Variants in FAF1 observed in about 807,000 individuals in gnomAD.
The protein encoded by FAF1 is Fas associated factor 1, also known as FAS-associated factor 1.
A neutral mutation model predicts 92.5 loss-of-function variants in FAF1; 25 were observed. The ratio of observed to expected loss-of-function variants is 0.27; its 90% CI spans 0.20 to 0.38. The LOEUF (loss-of-function observed/expected upper bound fraction) is 0.38. Ranked by LOEUF, FAF1 falls within the 10% of genes least tolerant of loss-of-function variation. The pLI, the probability that FAF1 is intolerant of heterozygous loss-of-function variation, is 1.00. For synonymous variants in FAF1, 234 were observed against 273.2 expected, an observed-to-expected ratio of 0.86 and a Z score of 1.42; for missense variants, 636 against 793.3, an observed-to-expected ratio of 0.80 and a Z score of 2.38.
At chr1:50,551,002 A>G (rs142350461) in intron 13 of FAF1, among the ~76,000 whole-genome samples, 23 of 152,348 alleles carry the variant, frequency 1.5e-4, no homozygotes, top group East Asian at 1.2e-3. Flanking sequence ...TTATATGCCT[A>G]TGACATGTCC....
chr1:50,742,390 G>T (rs989431728), intron 5 of FAF1, among the ~76,000 whole-genome samples: 3 of 142,512 alleles, frequency 2.1e-5, no homozygotes, highest in Non-Finnish European at 3.1e-5. Context: ...TGGGAGGGGG[G>T]GTGTGGCGGG....
At chr1:50,646,817 G>T (rs568199523) in intron 8 of FAF1, among the ~76,000 whole-genome samples, 1 of 152,192 alleles carries the variant, frequency 6.6e-6, no homozygotes, top group South Asian at 2.1e-4. Flanking sequence ...TTGTTAAAGC[G>T]AACTAAATAT....
At chr1:50,762,710 A>G (rs2124531316) in intron 4 of FAF1, among the ~76,000 whole-genome samples, 1 of 152,338 alleles carries the variant, frequency 6.6e-6, no homozygotes, top group African/African-American at 2.4e-5. Context: ...AAAGACTTAA[A>G]TGTTAGACCT....
chr1:50,878,031 A>T (rs1644584529), intron 1 of FAF1, among the ~76,000 whole-genome samples: 1 of 152,236 alleles, frequency 6.6e-6, no homozygotes, highest in East Asian at 1.9e-4. Context: ...GCCAGCTCAC[A>T]AAAGCTTCTG....
At chr1:50,464,730 C>CTTGGTAAGATCA (rs1260700537) in intron 18 of FAF1, among the ~76,000 whole-genome samples, 1 of 152,216 alleles carries the variant, frequency 6.6e-6, no homozygotes, top group Non-Finnish European at 1.5e-5. Flanking sequence ...TTCATTATCA[C>CTTGGTAAGATCA]TTTTGATCTT....
intron 13 of FAF1, among the ~76,000 whole-genome samples, chr1:50,542,121 C>T (rs1451329989): frequency 6.6e-6 from 1 of 152,142 alleles, no homozygotes; most frequent in Non-Finnish European, 1.5e-5. Flanking sequence ...AACCAGCTGA[C>T]ACTTTATGGT....
At chr1:50,779,595 A>G (rs1013950065) in intron 4 of FAF1, among the ~76,000 whole-genome samples, 1 of 151,308 alleles carries the variant, frequency 6.6e-6, no homozygotes, top group African/African-American at 2.4e-5. Flanking sequence ...TATATAAAAT[A>G]CTCTATAAAA....
chr1:50,686,095 T>C (rs1453355321), intron 7 of FAF1, among the ~76,000 whole-genome samples: 1 of 152,212 alleles, frequency 6.6e-6, no homozygotes, highest in African/African-American at 2.4e-5. Context: ...ACAGAAACCC[T>C]GTATGATAAT....
At chr1:50,603,744 G>A (rs1364404361) in intron 8 of FAF1, among the ~76,000 whole-genome samples, 1 of 152,138 alleles carries the variant, frequency 6.6e-6, no homozygotes, top group Non-Finnish European at 1.5e-5. Flanking sequence ...ACATGCACTT[G>A]TCTGGACTAG....
At chr1:50,566,949 T>C in intron 13 of FAF1, 128 bp downstream of exon 13, 1 of 629,374 alleles carries the variant, frequency 1.6e-6, no homozygotes, top group Non-Finnish European at 2.5e-6. Context: ...AACGAGCAGC[T>C]TTTGTCTAAT....
chr1:50,735,367 C>G (rs1349502937), intron 6 of FAF1, among the ~76,000 whole-genome samples: 1 of 152,088 alleles, frequency 6.6e-6, no homozygotes, highest in Non-Finnish European at 1.5e-5. Flanking sequence ...TCAACTGTTA[C>G]AAAGATTATG....
rs531887864 is a variant in FAF1, at chr1:50,656,456, A to G, written c.658-928T>C. Among the ~76,000 whole-genome samples the G allele has an allele frequency of 2.6e-4, 39 of 152,348 alleles. 1 individual carries two copies. Among genetic ancestry groups the G allele is most frequent in the African/African-American group, 8.7e-4 (36 of 41,588 alleles). On this transcript the variant is annotated intron_variant, in intron 7 of 18. Transcript: ENST00000396153. Reference sequence around the variant, plus strand: ...AGCTATAGGCCCTTCCTGAAAATTAAATACAAAAAATGCATTAAAGATGAG... The same window carrying G: ...AGCTATAGGCCCTTCCTGAAAATTAGATACAAAAAATGCATTAAAGATGAG...
chr1:50,653,484 G>C (rs1654958947), intron 8 of FAF1, among the ~76,000 whole-genome samples: 1 of 152,132 alleles, frequency 6.6e-6, no homozygotes, highest in Non-Finnish European at 1.5e-5. Flanking sequence ...CCAAGTAGCT[G>C]GGATTAAAGT....
chr1:50,905,894 T>C (rs576864102), intron 1 of FAF1, among the ~76,000 whole-genome samples: 1 of 152,354 alleles, frequency 6.6e-6, no homozygotes, highest in South Asian at 2.1e-4. Flanking sequence ...TAGATCCCGT[T>C]TGTCAATTTT....
rs553391242 is a variant in FAF1 at position 50,898,070 on chromosome 1, C to G, written c.46-40073G>C. ...AGAATAAATAATTGTTGTTTTCAGC[C>G]ACTTTACTATGAAGTTGTTTGCTAC... On this transcript the variant is annotated intron_variant, in intron 1 of 18. Transcript: ENST00000396153. 2.1e-4 allele frequency among the ~76,000 whole-genome samples: 32 copies of G among 152,270 alleles called. 1 individual carries two copies. The South Asian group carries it at 6.6e-3, about 32-fold the overall frequency.
intron 6 of FAF1, among the ~76,000 whole-genome samples, chr1:50,726,844 A>C (rs1462662938): frequency 6.6e-6 from 1 of 152,140 alleles, no homozygotes; most frequent in Non-Finnish European, 1.5e-5. Flanking sequence ...AGAAAGAAAG[A>C]AAAGAAAATG....
At chr1:50,591,674 G>GAC (rs1243409504) in intron 9 of FAF1, among the ~76,000 whole-genome samples, 75 of 93,670 alleles carry the variant, frequency 8.0e-4, no homozygotes, top group Non-Finnish European at 1.3e-3. Context: ...CTCCATCTCA[G>GAC]AAAAAAAAAA....
In FAF1 at chr1:50,596,054, AAG is replaced by A. The variant is rs965766372; in HGVS notation, c.840+65_840+66del. 28 of 1,002,422 alleles carry A rather than the reference AAG, an allele frequency of 2.8e-5. No homozygotes were observed. In the Admixed American group the frequency reaches 5.9e-4, roughly 21 times the overall value. The allele number at this position is 1,002,422 out of a possible 1,614,324, so 62.1% of individuals were successfully genotyped here. A position where few individuals can be genotyped will look rare whatever the true frequency, so the allele number is the denominator to read the frequency against. On this transcript the variant is annotated intron_variant, in intron 9 of 18. Transcript: ENST00000396153. ...TTCATTGCTCTGGCAGATAAAAAAA[AAG>A]GGAAGTGCGCAGGTAGGTGGGGGAT...
intron 4 of FAF1, among the ~76,000 whole-genome samples, chr1:50,755,460 C>G (rs1292070463): frequency 1.3e-5 from 2 of 152,186 alleles, no homozygotes; most frequent in Non-Finnish European, 2.9e-5. Flanking sequence ...GTATAGCATA[C>G]CTCCTGGCTG....
Sources: allele counts gnomAD v4.1 joint callset (sites outside exome capture counted in the v4.1 genomes callset), GRCh38; gene constraint gnomAD v4.1.1; transcripts MANE v1.5; gene names NCBI Gene and HGNC (gene_info 2026-07-23, HGNC 2026-07-21).